TNPO3: variants seen among roughly 807,000 people sequenced by gnomAD.
The protein encoded by TNPO3 is transportin-3.
Under a neutral mutation model 122.8 loss-of-function variants are expected in TNPO3, and 65 were observed. The ratio of observed to expected loss-of-function variants is 0.53; its 90% CI spans 0.43 to 0.65. The LOEUF is 0.65. TNPO3 is among the 30% of genes least tolerant of loss of function. The probability of loss-of-function intolerance (pLI) is 0.00; values close to 1 mark genes in which losing one functional copy is unlikely to be tolerated. For missense variants in TNPO3, 850 were observed against 1,136.7 expected (o/e 0.75, Z 3.63); for synonymous variants, 372 against 411.2 (o/e 0.90, Z 1.15).
chr7:129,000,403 T>A (rs1212566541), intron 7 of TNPO3, 26 bp downstream of exon 7: 1 of 1,564,856 alleles, frequency 6.4e-7, no homozygotes, highest in Non-Finnish European at 8.7e-7. Flanking sequence ...TGGAGAATAA[T>A]GGCCTTTGAA....
chr7:129,000,953 C>T, intron 6 of TNPO3, 106 bp downstream of exon 6: 1 of 1,348,736 alleles, frequency 7.4e-7, no homozygotes, highest in Admixed American at 1.9e-5. Context: ...CTGTACTTTA[C>T]AGAATCACTG....
At chr7:129,005,782 C>CTTTTTTTTTT (rs1186834521) in intron 4 of TNPO3, among the ~76,000 whole-genome samples, 5 of 132,256 alleles carry the variant, frequency 3.8e-5, no homozygotes, top group East Asian at 2.1e-4. Flanking sequence ...CTTTTCTTTT[C>CTTTTTTTTTT]TTTTTTTTTT....
intron 11 of TNPO3, among the ~76,000 whole-genome samples, chr7:128,988,032 G>A (rs926125978): frequency 1.3e-5 from 2 of 151,808 alleles, no homozygotes; most frequent in Admixed American, 1.3e-4. Flanking sequence ...GGAGTGTAGT[G>A]GCGCAATCTC....
chr7:128,970,293 C>G lies in TNPO3; in HGVS notation c.2453G>C (p.Arg818Pro), dbSNP rs587777431. ...ANDHEEDFEL[R>P]KELIGQVMNQ... ...CATCACCTGTCCAATCAGTTCTTTC[C>G]GTAATTCAAAGTCTTCTTCATGCTG... Residue 818 changes from arginine to proline, a missense_variant, in exon 20 of 23, where the codon CGG (arginine) becomes CCG (proline). Transcript: ENST00000265388. 6.2e-7 allele frequency: 1 copy of G among 1,603,372 alleles called. No homozygotes were observed. The highest frequency in any genetic ancestry group is 8.5e-7 in the Non-Finnish European group (1 of 1,174,278).
intron 14 of TNPO3, 119 bp downstream of exon 14, chr7:128,982,129 G>T: frequency 2.6e-6 from 2 of 768,130 alleles, no homozygotes; most frequent in Non-Finnish European, 4.1e-6. Flanking sequence ...GGCTTAATTA[G>T]TCTCCAAACA....
chr7:129,050,025 T>C (rs958852302), intron 1 of TNPO3, among the ~76,000 whole-genome samples: 1 of 152,044 alleles, frequency 6.6e-6, no homozygotes, highest in Non-Finnish European at 1.5e-5. Flanking sequence ...AGAGTTCGGG[T>C]CCAACCTGGG....
Position 128,982,256 on chromosome 7 carries a change from C to T in TNPO3, c.1851G>A (p.Val617=). The T allele has an allele frequency of 6.2e-7, 1 of 1,612,766 alleles. No homozygotes were observed. The highest frequency in any genetic ancestry group is 8.5e-7 in the Non-Finnish European group (1 of 1,179,152). ...DPTVFLDRLA[V]IFRHTNPIVE... is the part of the protein sequence containing the mutation. ...AGAGTCTCCTTTCTTACCTAAATAT[C>T]ACTGCAAGGCGATCTAAGAACACTG... is the stretch of plus-strand genomic sequence containing the variant. Residue 617 remains valine, a synonymous_variant, in exon 14 of 23, where the codon GTG becomes GTA. Transcript: ENST00000265388.
At chr7:128,977,461 T>C (rs945359947) in intron 16 of TNPO3, among the ~76,000 whole-genome samples, 6 of 152,246 alleles carry the variant, frequency 3.9e-5, no homozygotes, top group Non-Finnish European at 7.3e-5. Flanking sequence ...TATTTACCTG[T>C]ACAATCTTTA....
chr7:129,014,919 A>C (rs1032453421), intron 4 of TNPO3, 60 bp downstream of exon 4: 12 of 1,506,502 alleles, frequency 8.0e-6, no homozygotes, highest in Non-Finnish European at 1.1e-5. Flanking sequence ...AATTGATTAC[A>C]AAATAACCGC....
chr7:129,005,332 G>T (rs1327288366), intron 4 of TNPO3, among the ~76,000 whole-genome samples, 173 bp from the exon 5 acceptor site: 1 of 151,638 alleles, frequency 6.6e-6, no homozygotes. Context: ...TAAGAGAGAG[G>T]GTCTTGCTAC....
chr7:129,027,592 CA>C (rs796831706), intron 1 of TNPO3, among the ~76,000 whole-genome samples: 3,719 of 61,352 alleles, frequency 0.061, 192 homozygotes, highest in Admixed American at 0.089. Context: ...AAAAAAAAAA[CA>C]ACACAAAAAA....
intron 4 of TNPO3, 70 bp from the exon 5 acceptor site, chr7:129,005,229 T>G (rs1802435410): frequency 6.4e-6 from 9 of 1,400,920 alleles, no homozygotes; most frequent in Non-Finnish European, 7.8e-6. Flanking sequence ...TCAATCACCT[T>G]ACAAGTATAA....
Position 129,055,051 on chromosome 7 carries a change from C to G in TNPO3, c.-281G>C. 1 of 414,422 alleles carries G rather than the reference C, an allele frequency of 2.4e-6. No individual in the cohort carries two copies. Among genetic ancestry groups the G allele is most frequent in the Non-Finnish European group, 4.5e-6 (1 of 221,274 alleles). The allele number at this position is 414,422 out of a possible 1,614,324, so 25.7% of individuals were successfully genotyped here. A position where few individuals can be genotyped will look rare whatever the true frequency, so the allele number is the denominator to read the frequency against. On this transcript the variant is annotated 5_prime_UTR_variant, in exon 1 of 23. Coordinates refer to ENST00000265388, the MANE Select transcript of TNPO3 (RefSeq NM_012470.4). ...ATTCTGGCGCTCCCGTCTTCAGTCGCTGACTTGCCCTCAGAAGCCTATCTT... is the reference window on the plus strand; with the variant it reads ...ATTCTGGCGCTCCCGTCTTCAGTCGGTGACTTGCCCTCAGAAGCCTATCTT...
At chr7:128,971,142 G>A (rs995188686) in intron 19 of TNPO3, 4 of 150,182 alleles carry the variant, frequency 2.7e-5, no homozygotes, top group East Asian at 1.9e-4. Context: ...TTCTTCTTGC[G>A]GTCTTTAATT....
Position 129,054,802 on chromosome 7 carries a change from C to G in TNPO3, c.-32G>C. The stretch of plus-strand genomic sequence containing the variant: ...GGCGGTAGTGGCGGTAGCGACGGCT[C>G]TGATTCTTCTCCGGAGGATTCCTCG... On this transcript the variant is annotated 5_prime_UTR_variant, in exon 1 of 23. Transcript: ENST00000265388. 1.2e-6 allele frequency: 2 copies of G among 1,613,610 alleles called. No individual in the cohort carries two copies. The highest frequency in any genetic ancestry group is 1.1e-5 in the South Asian group (1 of 91,068).
chr7:129,015,825 C>G (rs980856426), intron 3 of TNPO3, among the ~76,000 whole-genome samples: 1 of 149,988 alleles, frequency 6.7e-6, no homozygotes, highest in Non-Finnish European at 1.5e-5. Flanking sequence ...AGAGTGAGAC[C>G]CTGTTTCAAA....
chr7:129,041,725 A>G, intron 1 of TNPO3: 1 of 985,472 alleles, frequency 1.0e-6, no homozygotes, highest in South Asian at 4.7e-5. Flanking sequence ...AGGCTGCAAC[A>G]AGAGAACATT....
rs187035329 is a variant in TNPO3, at chr7:129,030,819, C to G, written c.121-12662G>C. Among the ~76,000 whole-genome samples the G allele has an allele frequency of 2.3e-3, 347 of 152,196 alleles. 10 individuals carry two copies. Among genetic ancestry groups the G allele is most frequent in the Non-Finnish European group, 4.3e-4 (29 of 68,022 alleles). ...TATTTGTTTTATATGGATTTTTATT[C>G]ACTTTTCTGATATGCTACTCAAGAG... On this transcript the variant is annotated intron_variant, in intron 1 of 22. Transcript: ENST00000265388.
At chr7:128,969,470 ACAG>A (rs1554435050) in intron 20 of TNPO3, among the ~76,000 whole-genome samples, 1 of 151,916 alleles carries the variant, frequency 6.6e-6, no homozygotes, top group African/African-American at 2.4e-5. Context: ...AACTGCTTTT[ACAG>A]TAATATTAAA....
Sources: gnomAD v4.1 joint callset for allele counts (sites outside exome capture counted in the v4.1 genomes callset) on GRCh38, gnomAD v4.1.1 for gene constraint, MANE v1.5 for transcripts, NCBI Gene and HGNC (gene_info 2026-07-23, HGNC 2026-07-21) for gene names.